RAB3IL1: variants seen among roughly 807,000 people sequenced by gnomAD.
RAB3IL1 encodes the protein RAB3A interacting protein like 1.
Under a neutral mutation model 49.2 loss-of-function variants are expected in RAB3IL1, and 37 were observed. The observed-to-expected ratio is 0.75, with a 90% confidence interval of 0.58 to 0.99. RAB3IL1 has a LOEUF of 0.99. Ranked by LOEUF, RAB3IL1 falls within the 50% of genes least tolerant of loss-of-function variation. The pLI, the probability that RAB3IL1 is intolerant of heterozygous loss-of-function variation, is 0.00. For missense variants in RAB3IL1, 484 were observed against 513.0 expected, an observed-to-expected ratio of 0.94 and a Z score of 0.55; for synonymous variants, 193 against 213.9, an observed-to-expected ratio of 0.90 and a Z score of 0.85.
upstream of RAB3IL1, among the ~76,000 whole-genome samples, chr11:61,919,309 T>C (rs1298786611): frequency 6.6e-6 from 1 of 152,090 alleles, no homozygotes; most frequent in Non-Finnish European, 1.5e-5. Flanking sequence ...GAAGGACAAG[T>C]CTGTGGTCAC....
At chr11:61,923,378 C>G (rs1292404733), upstream of RAB3IL1, among the ~76,000 whole-genome samples, 1 of 152,184 alleles carries the variant, frequency 6.6e-6, no homozygotes, top group Non-Finnish European at 1.5e-5. Context: ...CTTGCTATCT[C>G]AGCGTCATTC....
intron 8 of RAB3IL1, among the ~76,000 whole-genome samples, chr11:61,900,706 T>C (rs749383328): frequency 2.6e-5 from 4 of 152,086 alleles, no homozygotes; most frequent in Non-Finnish European, 4.4e-5. Context: ...GGACCCCACA[T>C]GTCTTGGTCT....
At chr11:61,917,055 G>T (rs1323772850) in intron 1 of RAB3IL1, among the ~76,000 whole-genome samples, 5 of 151,982 alleles carry the variant, frequency 3.3e-5, no homozygotes, top group Admixed American at 6.5e-5. Context: ...CCCCAGAGTC[G>T]TGCACACTCT....
At chr11:61,908,992 T>C (rs968547205) in intron 1 of RAB3IL1, among the ~76,000 whole-genome samples, 2 of 152,156 alleles carry the variant, frequency 1.3e-5, no homozygotes, top group African/African-American at 4.8e-5. Flanking sequence ...TCCCTGAAGC[T>C]GAAGACCCTG....
chr11:61,911,025 T>A (rs1485784144), intron 1 of RAB3IL1, among the ~76,000 whole-genome samples: 1 of 152,178 alleles, frequency 6.6e-6, no homozygotes, highest in Non-Finnish European at 1.5e-5. Flanking sequence ...AGACTAACTC[T>A]CTCTCCTGCT....
chr11:61,903,077 G>T (rs557275908), intron 7 of RAB3IL1, among the ~76,000 whole-genome samples: 10 of 151,982 alleles, frequency 6.6e-5, no homozygotes, highest in African/African-American at 2.2e-4. Context: ...CCTGCATGAC[G>T]TCGCTCAGCA....
the RAB3IL1 span, among the ~76,000 whole-genome samples, chr11:61,946,180 G>A: frequency 6.6e-6 from 1 of 152,058 alleles, no homozygotes; most frequent in Non-Finnish European, 1.5e-5. Context: ...CAAGAGAGGG[G>A]TGTGGGCTGG....
Position 61,902,482 on chromosome 11 carries a change from G to A in RAB3IL1, c.959C>T (p.Ser320Phe), listed in dbSNP as rs1019241353. The A allele has an allele frequency of 6.2e-7, 1 of 1,602,960 alleles. No individual in the cohort carries two copies. The highest frequency in any genetic ancestry group is 1.3e-5 in the African/African-American group (1 of 75,018). Residue 320 changes from serine to phenylalanine, a missense_variant, in exon 8 of 10, where the codon TCC (serine) becomes TTC (phenylalanine). Transcript: ENST00000394836. ...TCRHRIRLGD[S>F]KSHYYISPSS... is the part of the protein sequence containing the mutation. The stretch of plus-strand genomic sequence containing the variant: ...TGGCGAGATGTAGTAATGGCTTTTG[G>A]AGTCCCCGAGCCGGATTCGGTGGCG...
chr11:61,917,094 G>C (rs899288370), intron 1 of RAB3IL1, among the ~76,000 whole-genome samples: 7 of 152,118 alleles, frequency 4.6e-5, no homozygotes, highest in African/African-American at 1.7e-4. Context: ...TCTCACTTGC[G>C]CTCCTGATGA....
chr11:61,940,684 A>T, the RAB3IL1 span, among the ~76,000 whole-genome samples: 1 of 151,786 alleles, frequency 6.6e-6, no homozygotes, highest in South Asian at 2.1e-4. Context: ...GCACTTCGGG[A>T]AGACGAGGTG....
At chr11:61,926,964 C>T in the RAB3IL1 span, among the ~76,000 whole-genome samples, 8 of 152,176 alleles carry the variant, frequency 5.3e-5, no homozygotes, top group Admixed American at 4.6e-4. Flanking sequence ...GATTCTCCTG[C>T]CTCAGCCTCC....
chr11:61,939,413 C>T, the RAB3IL1 span, among the ~76,000 whole-genome samples: 1 of 151,848 alleles, frequency 6.6e-6, no homozygotes, highest in Non-Finnish European at 1.5e-5. Flanking sequence ...AAACCTACAT[C>T]AAAGAGAAGA....
intron 8 of RAB3IL1, chr11:61,899,696 G>A (rs564470094): frequency 3.7e-5 from 13 of 354,794 alleles, no homozygotes; most frequent in East Asian, 1.1e-4. Context: ...CGGAGATGGC[G>A]GAGCTAATGA....
At chr11:61,909,390 C>T (rs1591230782) in intron 1 of RAB3IL1, among the ~76,000 whole-genome samples, 1 of 152,322 alleles carries the variant, frequency 6.6e-6, no homozygotes, top group South Asian at 2.1e-4. Context: ...GGTCACCAAG[C>T]AGCCCCTGAG....
intron 1 of RAB3IL1, among the ~76,000 whole-genome samples, chr11:61,909,995 G>A (rs1296209412): frequency 1.3e-5 from 2 of 152,210 alleles, no homozygotes; most frequent in African/African-American, 4.8e-5. Context: ...ACTCCAGCCT[G>A]GGTGACAGAG....
intron 2 of RAB3IL1, 22 bp from the exon 3 acceptor site, chr11:61,907,682 C>T (rs1939265985): frequency 6.2e-7 from 1 of 1,610,074 alleles, no homozygotes; most frequent in East Asian, 2.2e-5. Flanking sequence ...GAGGCAGGCA[C>T]TTGAGCACCT....
intron 1 of RAB3IL1, among the ~76,000 whole-genome samples, chr11:61,910,676 G>A (rs924349901): frequency 3.3e-5 from 5 of 151,332 alleles, no homozygotes; most frequent in Non-Finnish European, 7.4e-5. Flanking sequence ...GGGTCCCACA[G>A]CTTAAACTGG....
chr11:61,917,158 A>T (rs114164015), intron 1 of RAB3IL1, among the ~76,000 whole-genome samples, 199 bp downstream of exon 1: 3,348 of 151,660 alleles, frequency 0.022, 124 homozygotes, highest in African/African-American at 0.076. Context: ...CACCCTTCGC[A>T]CCCTGCACCC....
In RAB3IL1 at chr11:61,906,817, A is replaced by G. The variant is rs940156624; in HGVS notation, c.439-133T>C. ...CTTAGTCCCACCCGACGCCCTCAGA[A>G]CAGCCTTCGAGGCAGAGACCCAGAC... On this transcript the variant is annotated intron_variant, in intron 4 of 9. Transcript: ENST00000394836. The surrounding 1 kb of genome is among the most constrained non-coding windows in gnomAD (Gnocchi z 4.6). 1.2e-6 allele frequency: 1 copy of G among 847,594 alleles called. No homozygotes were observed. The highest frequency in any genetic ancestry group is 1.4e-5 in the South Asian group (1 of 69,096). The allele number at this position is 847,594 out of a possible 1,614,324, so 52.5% of individuals were successfully genotyped here.
Sources: gnomAD v4.1 joint callset for allele counts (sites outside exome capture counted in the v4.1 genomes callset) on GRCh38, gnomAD v4.1.1 for gene constraint, Gnocchi (gnomAD v3.1) non-coding constraint, MANE v1.5 for transcripts, NCBI Gene and HGNC (gene_info 2026-07-23, HGNC 2026-07-21) for gene names.